GALNT1: variants seen among roughly 807,000 people sequenced by gnomAD.
GALNT1 encodes polypeptide N-acetylgalactosaminyltransferase 1.
GALNT1 carries 17 observed loss-of-function variants against 65.7 expected under a neutral mutation model. The ratio of observed to expected loss-of-function variants is 0.26; its 90% CI spans 0.18 to 0.39. The LOEUF is 0.39. Among genes scored for constraint, GALNT1 ranks in the 10% least tolerant of loss-of-function variants. The pLI is 1.00. For missense variants in GALNT1, 460 were observed against 672.8 expected (o/e 0.68, Z 3.50); for synonymous variants, 210 against 219.7 (o/e 0.96, Z 0.39).
intron 4 of GALNT1, among the ~76,000 whole-genome samples, chr18:35,679,376 G>A (rs2047755761): frequency 6.6e-6 from 1 of 152,106 alleles, no homozygotes; most frequent in South Asian, 2.1e-4. Flanking sequence ...GCCCAAGAAG[G>A]CTGTGTAGAA....
At chr18:35,693,541 A>G (rs1253215117) in intron 9 of GALNT1, among the ~76,000 whole-genome samples, 1 of 152,200 alleles carries the variant, frequency 6.6e-6, no homozygotes, top group East Asian at 1.9e-4. Flanking sequence ...ACTATATGGA[A>G]ACAGGAGTAG....
At chr18:35,681,881 A>G (rs969132178) in intron 4 of GALNT1, among the ~76,000 whole-genome samples, 3 of 152,140 alleles carry the variant, frequency 2.0e-5, no homozygotes, top group African/African-American at 7.2e-5. Context: ...CACCTTAATC[A>G]AATTCATGTA....
At chr18:35,675,910 G>T (rs1272742549) in intron 3 of GALNT1, among the ~76,000 whole-genome samples, 1 of 152,124 alleles carries the variant, frequency 6.6e-6, no homozygotes, top group Non-Finnish European at 1.5e-5. Context: ...AGGAGTCTGT[G>T]CATCAGGCAT....
intron 1 of GALNT1, among the ~76,000 whole-genome samples, chr18:35,604,130 C>A (rs1310179606): frequency 1.3e-5 from 2 of 151,994 alleles, no homozygotes; most frequent in East Asian, 3.9e-4. Flanking sequence ...TTCTTTGTGT[C>A]CATGTGTACT....
At chr18:35,594,878 G>C (rs1199421089) in intron 1 of GALNT1, among the ~76,000 whole-genome samples, 1 of 152,168 alleles carries the variant, frequency 6.6e-6, no homozygotes, top group Non-Finnish European at 1.5e-5. Context: ...AGGCAGGTTG[G>C]TGTTGAGACT....
At chr18:35,694,811 A>G (rs73948135) in intron 9 of GALNT1, among the ~76,000 whole-genome samples, 2,586 of 152,322 alleles carry the variant, frequency 0.017, 40 homozygotes, top group African/African-American at 0.032. Context: ...TCGTGATACA[A>G]CGTACAATGG....
intron 1 of GALNT1, among the ~76,000 whole-genome samples, chr18:35,590,234 A>G (rs1015706561): frequency 1.3e-5 from 2 of 152,224 alleles, no homozygotes; most frequent in African/African-American, 4.8e-5. Context: ...TCTGATTTCA[A>G]GTGATCCATT....
chr18:35,642,205 C>T (rs1024113851), intron 1 of GALNT1, among the ~76,000 whole-genome samples: 3 of 152,124 alleles, frequency 2.0e-5, no homozygotes, highest in Non-Finnish European at 2.9e-5. Context: ...CTTGTAATAA[C>T]GGAAACCTAG....
rs529402777 is a variant in GALNT1 at position 35,670,595 on chromosome 18, T to G, written c.314+6793T>G. 2.0e-5 allele frequency among the ~76,000 whole-genome samples: 3 copies of G among 152,374 alleles called. No homozygotes were observed. In the East Asian group the frequency reaches 5.8e-4, roughly 29 times the overall value. ...TTTCTACATTCATTAGTAGGTTTGA[T>G]GCAGTGCCAATCATAACCACGTATA... On this transcript the variant is annotated intron_variant, in intron 3 of 11. Coordinates refer to ENST00000269195, the MANE Select transcript of GALNT1 (RefSeq NM_020474.4).
At chr18:35,630,344 A>G (rs577837250) in intron 1 of GALNT1, among the ~76,000 whole-genome samples, 1 of 152,366 alleles carries the variant, frequency 6.6e-6, no homozygotes, top group South Asian at 2.1e-4. Flanking sequence ...AGAAATTACA[A>G]CAAACTGTCT....
intron 1 of GALNT1, among the ~76,000 whole-genome samples, chr18:35,583,555 A>G (rs944321149): frequency 7.9e-5 from 12 of 152,208 alleles, no homozygotes; most frequent in Non-Finnish European, 2.9e-5. Flanking sequence ...GTGCCTGGTA[A>G]GCAATAAGCA....
intron 1 of GALNT1, among the ~76,000 whole-genome samples, chr18:35,638,883 A>G (rs1009911702): frequency 5.3e-5 from 8 of 152,364 alleles, no homozygotes; most frequent in East Asian, 3.9e-4. Context: ...TAGCAATAGC[A>G]AGAGAACTAG....
intron 11 of GALNT1, among the ~76,000 whole-genome samples, chr18:35,707,761 G>T (rs184185743): frequency 6.6e-6 from 1 of 152,262 alleles, no homozygotes; most frequent in East Asian, 1.9e-4. Context: ...GTGACCATGG[G>T]CCTGATGAGG....
At chr18:35,705,406 G>A (rs1370951286) in intron 11 of GALNT1, among the ~76,000 whole-genome samples, 2 of 152,134 alleles carry the variant, frequency 1.3e-5, no homozygotes, top group Non-Finnish European at 2.9e-5. Context: ...AGATCCTAGA[G>A]GACAGAGATC....
At chr18:35,654,842 T>C (rs2047360383) in intron 2 of GALNT1, 41 bp downstream of exon 2, 1 of 1,420,128 alleles carries the variant, frequency 7.0e-7, no homozygotes, top group African/African-American at 1.5e-5. Flanking sequence ...AACTACTATA[T>C]CACTGGTTTT....
intron 1 of GALNT1, among the ~76,000 whole-genome samples, chr18:35,598,736 GA>G (rs1233652683): frequency 6.6e-6 from 1 of 152,036 alleles, no homozygotes; most frequent in African/African-American, 2.4e-5. Context: ...CTTTCTTTTG[GA>G]TATATACCCA....
intron 1 of GALNT1, among the ~76,000 whole-genome samples, chr18:35,613,435 T>C (rs1598784131): frequency 1.3e-5 from 2 of 152,258 alleles, no homozygotes; most frequent in African/African-American, 4.8e-5. Flanking sequence ...AAATGCATCG[T>C]TGAGCTGACA....
chr18:35,636,244 A>G (rs2047087313), intron 1 of GALNT1, among the ~76,000 whole-genome samples: 2 of 152,182 alleles, frequency 1.3e-5, no homozygotes, highest in African/African-American at 2.4e-5. Context: ...ATCTACCAGG[A>G]CAAATAGAGT....
chr18:35,671,973 A>G (rs528639656), intron 3 of GALNT1, among the ~76,000 whole-genome samples: 2 of 152,142 alleles, frequency 1.3e-5, no homozygotes, highest in African/African-American at 4.8e-5. Context: ...TTCTCAATCT[A>G]TACTCTTATT....
Sources: gnomAD v4.1 joint callset for allele counts (sites outside exome capture counted in the v4.1 genomes callset) on GRCh38, gnomAD v4.1.1 for gene constraint, MANE v1.5 for transcripts, NCBI Gene and HGNC (gene_info 2026-07-23, HGNC 2026-07-21) for gene names.